ACAT1: variants seen among roughly 807,000 people sequenced by gnomAD.
ACAT1 encodes acetyl-CoA acetyltransferase, mitochondrial.
A neutral mutation model predicts 47.3 loss-of-function variants in ACAT1; 28 were observed. That is an observed-to-expected ratio of 0.59 (90% confidence interval 0.44 to 0.81). The LOEUF is 0.81. Ranked by LOEUF, ACAT1 falls within the 30% of genes least tolerant of loss-of-function variation. The pLI is 0.00. For missense variants in ACAT1, 469 were observed against 524.3 expected (o/e 0.89, Z 1.03); for synonymous variants, 181 against 173.6 (o/e 1.04, Z -0.34).
At chr11:108,141,192 C>A (rs546447651) in intron 7 of ACAT1, among the ~76,000 whole-genome samples, 1 of 151,800 alleles carries the variant, frequency 6.6e-6, no homozygotes, top group Non-Finnish European at 1.5e-5. Flanking sequence ...TGTAGCATTG[C>A]ACTCTATTGG....
At chr11:108,120,930 G>T (rs1269105591), upstream of ACAT1, among the ~76,000 whole-genome samples, 1 of 151,988 alleles carries the variant, frequency 6.6e-6, no homozygotes, top group African/African-American at 2.4e-5. Flanking sequence ...GCTGGGCGTG[G>T]TCGCCTGCGC....
chr11:108,143,819 A>C, intron 9 of ACAT1, 164 bp from the exon 10 acceptor site: 1 of 251,100 alleles, frequency 4.0e-6, no homozygotes, highest in African/African-American at 2.4e-5. Context: ...AGATTACTGG[A>C]GTAATTTTAT....
chr11:108,134,070 A>G, intron 3 of ACAT1, 133 bp downstream of exon 3: 2 of 1,165,402 alleles, frequency 1.7e-6, no homozygotes, highest in Non-Finnish European at 2.5e-6. Flanking sequence ...CCTTGTAAAG[A>G]AGTCTTTGTA....
At chr11:108,132,866 A>G (rs1482662619) in intron 2 of ACAT1, among the ~76,000 whole-genome samples, 4 of 147,114 alleles carry the variant, frequency 2.7e-5, no homozygotes, top group Non-Finnish European at 6.0e-5. Flanking sequence ...AAAAAAAAAA[A>G]AAAAAAAAAA....
intron 5 of ACAT1, among the ~76,000 whole-genome samples, chr11:108,137,879 A>G (rs1269938726): frequency 6.6e-6 from 1 of 152,148 alleles, no homozygotes; most frequent in African/African-American, 2.4e-5. Flanking sequence ...CCCAAAAGGC[A>G]GAGATTGCAG....
chr11:108,122,741 G>A (rs1318630053), intron 1 of ACAT1, among the ~76,000 whole-genome samples: 2 of 152,190 alleles, frequency 1.3e-5, no homozygotes, highest in Admixed American at 6.5e-5. Flanking sequence ...GTCACAAGGC[G>A]TAGGTTTCCA....
At chr11:108,127,458 T>C (rs1262786496) in intron 1 of ACAT1, among the ~76,000 whole-genome samples, 1 of 151,604 alleles carries the variant, frequency 6.6e-6, no homozygotes, top group African/African-American at 2.4e-5. Context: ...TTAGTAGATA[T>C]GGGGTTTCAC....
chr11:108,140,045 A>C lies in ACAT1; in HGVS notation c.580-20A>C. 2 of 1,608,144 alleles carry C rather than the reference A, an allele frequency of 1.2e-6. No individual in the cohort carries two copies. Among genetic ancestry groups the C allele is most frequent in the Non-Finnish European group, 1.7e-6 (2 of 1,176,554 alleles). Reference sequence around the variant, plus strand: ...TAAATTATGCAAAGTTAACTTTAAAATATTTCAACTTTTTATCAGGGCAGC... The same window carrying C: ...TAAATTATGCAAAGTTAACTTTAAACTATTTCAACTTTTTATCAGGGCAGC... On this transcript the variant is annotated intron_variant, in intron 6 of 11. Transcript: ENST00000265838.
chr11:108,121,589 A>C lies in ACAT1; in HGVS notation c.-18A>C. On this transcript the variant is annotated 5_prime_UTR_variant, in exon 1 of 12. Transcript: ENST00000265838. ...GCTAGTCTACGCCTGTGGAGCCGAT[A>C]CTCAGCCCTCTGCGACCATGGCTGT... The C allele has an allele frequency of 6.5e-7, 1 of 1,550,048 alleles. No individual in the cohort carries two copies. Among genetic ancestry groups the C allele is most frequent in the Non-Finnish European group, 8.7e-7 (1 of 1,146,744 alleles).
At chr11:108,139,338 C>A (rs1475654273) in intron 6 of ACAT1, among the ~76,000 whole-genome samples, 1 of 152,006 alleles carries the variant, frequency 6.6e-6, no homozygotes, top group East Asian at 1.9e-4. Context: ...GGCCTGTAAT[C>A]CCAGCACTTT....
In ACAT1 at chr11:108,141,353, G is replaced by C. The variant is rs1391685902; in HGVS notation, c.731-252G>C. Among the ~76,000 whole-genome samples, 3 of 112,962 alleles carry C rather than the reference G, an allele frequency of 2.7e-5. No homozygotes were observed. The Admixed American group carries it at 3.3e-4, about 12-fold the overall frequency. The allele number at this position is 112,962 out of a possible 152,430, so 74.1% of individuals were successfully genotyped here. A position where few individuals can be genotyped will look rare whatever the true frequency, so the allele number is the denominator to read the frequency against. On this transcript the variant is annotated intron_variant, in intron 7 of 11. Transcript: ENST00000265838. ...TGTGATCATGCCAGCCTAAGCAGGA[G>C]AGGGAAACCCTGCCTCAAAAAAAAA...
In ACAT1 at chr11:108,138,415, T is replaced by C. The variant is rs575074653; in HGVS notation, c.436-483T>C. Among the ~76,000 whole-genome samples the C allele has an allele frequency of 1.6e-3, 239 of 151,322 alleles. 2 individuals are homozygous for C. The highest frequency in any genetic ancestry group is 3.9e-3 in the Admixed American group (59 of 15,188). On this transcript the variant is annotated intron_variant, in intron 5 of 11. Coordinates refer to ENST00000265838, the MANE Select transcript of ACAT1 (RefSeq NM_000019.4). The stretch of plus-strand genomic sequence containing the variant: ...CCGCCTCTACTTTTTTTTTTTTTCT[T>C]TTGAGGAGTCTTGCTCTGCCCCCCA...
At chr11:108,137,769 C>G (rs960136030) in intron 5 of ACAT1, among the ~76,000 whole-genome samples, 1 of 151,644 alleles carries the variant, frequency 6.6e-6, no homozygotes, top group Non-Finnish European at 1.5e-5. Context: ...TAGTGAAACC[C>G]CATCTCTACT....
upstream of ACAT1, among the ~76,000 whole-genome samples, chr11:108,118,380 C>CTT (rs879572051): frequency 8.8e-5 from 13 of 146,922 alleles, no homozygotes; most frequent in African/African-American, 3.2e-4. Flanking sequence ...TAGTCACTTT[C>CTT]TTTTTTTTTT....
At chr11:108,143,129 G>A (rs1301600375) in intron 9 of ACAT1, 1 of 154,252 alleles carries the variant, frequency 6.5e-6, no homozygotes, top group Non-Finnish European at 1.4e-5. Flanking sequence ...GGGCAACACA[G>A]TGAGACCCCA....
At chr11:108,135,098 T>G in intron 4 of ACAT1, 44 bp from the exon 5 acceptor site, 1 of 1,360,974 alleles carries the variant, frequency 7.3e-7, no homozygotes, top group South Asian at 1.2e-5. Flanking sequence ...TCTGCAGTTG[T>G]GTTTGAGTAT....
intron 5 of ACAT1, 166 bp from the exon 6 acceptor site, chr11:108,138,727 ATTTCT>A: frequency 2.6e-6 from 2 of 764,940 alleles, no homozygotes; most frequent in Non-Finnish European, 4.4e-6. Context: ...ATTTAACACC[ATTTCT>A]TTTCATCAGG....
rs1309227977 is a variant in ACAT1 at position 108,139,890 on chromosome 11, A to G, written c.580-175A>G. ...ATGGTCTTGATCTCCTGACCTCATG[A>G]TCTGCCTGCCTTGGCCCCCCAAAGT... On this transcript the variant is annotated intron_variant, in intron 6 of 11. Coordinates refer to ENST00000265838, the MANE Select transcript of ACAT1 (RefSeq NM_000019.4). 7 of 645,246 alleles carry G rather than the reference A, an allele frequency of 1.1e-5. No homozygotes were observed. The African/African-American group carries it at 1.1e-4, about 10-fold the overall frequency. 40.0% of individuals were successfully genotyped at this position (645,246 alleles called of 1,614,324 possible). A position where few individuals can be genotyped will look rare whatever the true frequency, so the allele number is the denominator to read the frequency against.
In ACAT1 at chr11:108,138,980, T is replaced by G. The variant is rs1312208304; in HGVS notation, c.518T>G (p.Val173Gly). Residue 173 changes from valine (V) to glycine (G), a missense_variant, in exon 6 of 12, where the codon GTA (valine) becomes GGA (glycine). By Grantham distance (109) the Val-to-Gly change is moderately radical. Coordinates refer to ENST00000265838, the MANE Select transcript of ACAT1 (RefSeq NM_000019.4). The part of the protein sequence containing the change: ...MNRGSTPYGG[V>G]KLEDLIVKDG... ...AGAGGATCAACACCATATGGTGGGG[T>G]AAAGCTTGAAGATTTGATTGTAAAA... 6.2e-7 allele frequency: 1 copy of G among 1,614,044 alleles called. No individual in the cohort carries two copies. The highest frequency in any genetic ancestry group is 1.3e-5 in the African/African-American group (1 of 74,920).
Sources: gnomAD v4.1 joint callset for allele counts (sites outside exome capture counted in the v4.1 genomes callset) on GRCh38, gnomAD v4.1.1 for gene constraint, MANE v1.5 for transcripts, NCBI Gene and HGNC (gene_info 2026-07-23, HGNC 2026-07-21) for gene names.